Variants in AKNAD1 observed in about 807,000 individuals in gnomAD.
AKNAD1 encodes the protein AKNA domain containing 1, also known as protein AKNAD1.
Under a neutral mutation model 90.8 loss-of-function variants are expected in AKNAD1, and 67 were observed. That is an observed-to-expected ratio of 0.74 (90% CI 0.61 to 0.90). AKNAD1 has a LOEUF of 0.90. Among genes scored for constraint, AKNAD1 ranks in the 40% least tolerant of loss-of-function variants. The pLI, the probability that AKNAD1 is intolerant of heterozygous loss-of-function variation, is 0.00. For missense variants in AKNAD1, 957 were observed against 975.4 expected (o/e 0.98, Z 0.25); for synonymous variants, 327 against 341.4 (o/e 0.96, Z 0.46).
chr1:108,830,570 C>A lies in AKNAD1; in HGVS notation c.1827G>T (p.Arg609Ser). 1 of 1,613,998 alleles carries A rather than the reference C, an allele frequency of 6.2e-7. No individual in the cohort carries two copies. The highest frequency in any genetic ancestry group is 1.3e-5 in the African/African-American group (1 of 75,050). ...APSPSCAFCR[R>S]LLEWKQNVEK... ...CAAGAAGCCCTCACCATTCAAGGAG[C>A]CTGCGACAGAAGGCACAGCTCGGAC... Residue 609 changes from arginine (R) to serine (S), a missense_variant, in exon 10 of 16, where the codon AGG becomes AGT. Transcript: ENST00000370001.
rs376900961 is a variant in AKNAD1, at chr1:108,816,294, G to A, written c.2388C>T (p.Asn796=). 16 of 1,610,066 alleles carry A rather than the reference G, an allele frequency of 9.9e-6. No homozygotes were observed. The Middle Eastern group carries it at 8.3e-4, about 83-fold the overall frequency. The change falls in exon 16 of 16, where the codon AAC becomes AAT. Residue 796 remains asparagine (N), a synonymous_variant. Coordinates refer to ENST00000370001, the MANE Select transcript of AKNAD1 (RefSeq NM_152763.5). ...STEEIKSEIL[N]SALDHALRTA... is the part of the protein sequence containing the mutation. Reference sequence around the variant, plus strand: ...TCCTTAGGGCATGATCCAAAGCCGAGTTTAAAATCTACAGAGGAAAAGTCC... The same window carrying A: ...TCCTTAGGGCATGATCCAAAGCCGAATTTAAAATCTACAGAGGAAAAGTCC...
At chr1:108,823,292 G>T in intron 13 of AKNAD1, 78 bp downstream of exon 13, 1 of 1,142,398 alleles carries the variant, frequency 8.8e-7, no homozygotes. Context: ...GGAAGCAGTG[G>T]CCAGTGTCAT....
intron 13 of AKNAD1, 83 bp downstream of exon 13, chr1:108,823,287 C>G (rs181443896): frequency 1.8e-6 from 2 of 1,100,216 alleles, no homozygotes; most frequent in South Asian, 2.5e-5. Flanking sequence ...CAGATGGAAG[C>G]AGTGGCCAGT....
chr1:108,845,178 T>C (rs543122815), intron 5 of AKNAD1, among the ~76,000 whole-genome samples: 2 of 152,224 alleles, frequency 1.3e-5, no homozygotes, highest in South Asian at 2.1e-4. Context: ...GGCTAAAGGG[T>C]AGATAAAAAG....
chr1:108,830,703 G>A (rs375465135), intron 9 of AKNAD1, 53 bp from the exon 10 acceptor site: 80 of 1,571,530 alleles, frequency 5.1e-5, no homozygotes, highest in African/African-American at 1.1e-4. Context: ...GACTCACGCC[G>A]CGGCTGCACA....
At chr1:108,833,961 T>C (rs1198395952) in intron 9 of AKNAD1, among the ~76,000 whole-genome samples, 1 of 152,086 alleles carries the variant, frequency 6.6e-6, no homozygotes, top group East Asian at 1.9e-4. Flanking sequence ...TATTATATCA[T>C]TGTTTACTGC....
In AKNAD1 at chr1:108,852,276, C is replaced by T; in HGVS notation, c.389G>A (p.Cys130Tyr). The T allele has an allele frequency of 6.2e-7, 1 of 1,614,156 alleles. No individual in the cohort carries two copies. Among genetic ancestry groups the T allele is most frequent in the East Asian group, 2.2e-5 (1 of 44,890 alleles). ...EPFLRGQGID[C>Y]ETLPEISNAD... ...ATTTGAGATCTCTGGGAGGGTTTCA[C>T]AATCAATGCCTTGACCTCTTAAGAA... The change falls in exon 2 of 16, where the codon TGT (cysteine) becomes TAT (tyrosine). Residue 130 changes from cysteine to tyrosine, a missense_variant. Physicochemically the swap from Cys to Tyr is radical, Grantham distance 194. Coordinates refer to ENST00000370001, the MANE Select transcript of AKNAD1 (RefSeq NM_152763.5).
At position 108,828,624 on chromosome 1, in the gene AKNAD1, G is replaced by A. The variant is rs190798809; in HGVS notation, c.1839-1322C>T. On this transcript the variant is annotated intron_variant, in intron 10 of 15. Coordinates refer to ENST00000370001, the MANE Select transcript of AKNAD1 (RefSeq NM_152763.5). ...GCCCTGGCCTGCTGTTGGCGGAGAA[G>A]GGATGGGGCTGCGGGTTTGTGGGGC... is the stretch of plus-strand genomic sequence containing the variant. 1.4e-3 allele frequency among the ~76,000 whole-genome samples: 216 copies of A among 151,844 alleles called. 3 individuals are homozygous for A. The highest frequency in any genetic ancestry group is 2.7e-3 in the Non-Finnish European group (186 of 67,974).
chr1:108,852,883 A>G (rs2101221224), intron 1 of AKNAD1, 116 bp from the exon 2 acceptor site: 2 of 411,318 alleles, frequency 4.9e-6, no homozygotes, highest in East Asian at 7.3e-5. Flanking sequence ...ACAGGAAGGC[A>G]GGAAGCTCAA....
At chr1:108,837,842 C>T (rs1027591189) in intron 6 of AKNAD1, 136 bp from the exon 7 acceptor site, 1 of 964,948 alleles carries the variant, frequency 1.0e-6, no homozygotes, top group Admixed American at 2.3e-5. Flanking sequence ...TAATGGGAGC[C>T]CGCATGACTG....
In AKNAD1 at chr1:108,832,653, T is replaced by C. The variant is rs568805085; in HGVS notation, c.1746+1794A>G. Among the ~76,000 whole-genome samples, 285 of 152,368 alleles carry C rather than the reference T, an allele frequency of 1.9e-3. 1 individual carries two copies. Among genetic ancestry groups the C allele is most frequent in the Non-Finnish European group, 2.8e-3 (190 of 68,036 alleles). ...TTCTCAGTTGTCTATCTACATTTTT[T>C]TTAATTGATGGTGGTTTCAGTTTTG... is the stretch of plus-strand genomic sequence containing the variant. On this transcript the variant is annotated intron_variant, in intron 9 of 15. Coordinates refer to ENST00000370001, the MANE Select transcript of AKNAD1 (RefSeq NM_152763.5).
rs978188200 is a variant in AKNAD1, at chr1:108,834,063, C to A, written c.1746+384G>T. 3.9e-5 allele frequency among the ~76,000 whole-genome samples: 6 copies of A among 152,030 alleles called. No individual in the cohort carries two copies. The East Asian group carries it at 1.2e-3, about 29-fold the overall frequency. On this transcript the variant is annotated intron_variant, in intron 9 of 15. Transcript: ENST00000370001. ...CATTCGAAATGAAATAATCTCTAGA[C>A]CCTCAGAATTTAAAATGTGGTCCGC...
intron 5 of AKNAD1, 102 bp downstream of exon 5, chr1:108,848,650 A>G: frequency 1.9e-6 from 2 of 1,039,678 alleles, no homozygotes; most frequent in East Asian, 2.4e-5. Context: ...AAACATTTCC[A>G]CTCCCACCAC....
chr1:108,831,546 G>T (rs1331523040), intron 9 of AKNAD1, among the ~76,000 whole-genome samples: 1 of 152,016 alleles, frequency 6.6e-6, no homozygotes, highest in African/African-American at 2.4e-5. Flanking sequence ...TGAAGGGAGG[G>T]GTGTGTCACC....
intron 9 of AKNAD1, 95 bp from the exon 10 acceptor site, chr1:108,830,745 T>C: frequency 1.6e-6 from 2 of 1,216,688 alleles, no homozygotes; most frequent in Non-Finnish European, 2.4e-6. Flanking sequence ...GAGGTCCGGC[T>C]GAACTTGCCA....
At chr1:108,837,228 G>GA (rs1570813583) in intron 7 of AKNAD1, 5 of 211,932 alleles carry the variant, frequency 2.4e-5, no homozygotes, top group East Asian at 1.1e-4. Context: ...AAACTATGAA[G>GA]AAAAAAAATT....
At chr1:108,823,743 A>C in intron 11 of AKNAD1, 55 bp from the exon 12 acceptor site, 1 of 1,612,466 alleles carries the variant, frequency 6.2e-7, no homozygotes, top group Non-Finnish European at 8.5e-7. Flanking sequence ...TATAGTCATA[A>C]AATACGGTGT....
chr1:108,840,434 G>A (rs1025888013), intron 6 of AKNAD1, among the ~76,000 whole-genome samples: 4 of 152,152 alleles, frequency 2.6e-5, no homozygotes, highest in African/African-American at 4.8e-5. Flanking sequence ...TTACTACAAA[G>A]ATTTCAGTTC....
At position 108,823,462 on chromosome 1, in the gene AKNAD1, T is replaced by G. The variant is rs755886092; in HGVS notation, c.2075A>C (p.Tyr692Ser). ...KEPTKEFHYR[Y>S]NTPGQNYSNH... ...TGAGTAATTCTGTCCTGGAGTGTTG[T>G]ATCTATAATGAAATTCTGGGAAGAA... is the stretch of plus-strand genomic sequence containing the variant. Residue 692 changes from tyrosine to serine, a missense_variant, in exon 13 of 16, where the codon TAC becomes TCC. Tyr to Ser is a moderately radical substitution (Grantham distance 144). Coordinates refer to ENST00000370001, the MANE Select transcript of AKNAD1 (RefSeq NM_152763.5). 6.2e-7 allele frequency: 1 copy of G among 1,614,032 alleles called. No individual in the cohort carries two copies. Among genetic ancestry groups the G allele is most frequent in the South Asian group, 1.1e-5 (1 of 91,074 alleles).
Sources: gnomAD v4.1 joint callset for allele counts (sites outside exome capture counted in the v4.1 genomes callset) on GRCh38, gnomAD v4.1.1 for gene constraint, MANE v1.5 for transcripts, NCBI Gene and HGNC (gene_info 2026-07-23, HGNC 2026-07-21) for gene names.